Variants in RSRC1 observed in about 807,000 individuals in gnomAD.
RSRC1 encodes serine/Arginine-related protein 53.
RSRC1 carries 39 observed loss-of-function variants against 49.1 expected under a neutral mutation model. The ratio of observed to expected loss-of-function variants is 0.79; its 90% CI spans 0.61 to 1.04. The LOEUF (loss-of-function observed/expected upper bound fraction) is 1.04, where lower values mean the gene tolerates loss of function less well. Among genes scored for constraint, RSRC1 ranks in the 50% least tolerant of loss-of-function variants. RSRC1 has a pLI of 0.00. For synonymous variants in RSRC1, 143 were observed against 130.8 expected (o/e 1.09, Z -0.63); for missense variants, 388 against 402.4 (o/e 0.96, Z 0.31).
At chr3:158,236,441 A>G (rs897417172) in intron 4 of RSRC1, among the ~76,000 whole-genome samples, 1 of 152,148 alleles carries the variant, frequency 6.6e-6, no homozygotes. Flanking sequence ...TCTCTTTTAA[A>G]AGTTTGTTTG....
At chr3:158,334,197 C>T (rs1247102451) in intron 5 of RSRC1, among the ~76,000 whole-genome samples, 5 of 152,000 alleles carry the variant, frequency 3.3e-5, no homozygotes, top group African/African-American at 1.2e-4. Context: ...TTTATTATGC[C>T]ACCACATACC....
intron 7 of RSRC1, among the ~76,000 whole-genome samples, chr3:158,502,060 C>T (rs1254455461): frequency 6.6e-6 from 1 of 152,030 alleles, no homozygotes; most frequent in Non-Finnish European, 1.5e-5. Flanking sequence ...GCAGTGGTGG[C>T]TAATGGCAAA....
intron 7 of RSRC1, among the ~76,000 whole-genome samples, chr3:158,487,739 C>G (rs1393122111): frequency 6.6e-6 from 1 of 151,826 alleles, no homozygotes; most frequent in South Asian, 2.1e-4. Flanking sequence ...CACCTGAGGT[C>G]AGGAGTTCAA....
chr3:158,396,136 C>T (rs879733167), intron 6 of RSRC1, among the ~76,000 whole-genome samples: 4 of 151,912 alleles, frequency 2.6e-5, no homozygotes, highest in South Asian at 2.1e-4. Context: ...CTAAACATTG[C>T]GAACACATGG....
At chr3:158,446,558 T>G (rs1191313132) in intron 6 of RSRC1, among the ~76,000 whole-genome samples, 1 of 152,048 alleles carries the variant, frequency 6.6e-6, no homozygotes, top group Non-Finnish European at 1.5e-5. Context: ...TTGAAATTTC[T>G]TATATATTGT....
chr3:158,538,511 G>C (rs1200948997), intron 8 of RSRC1, among the ~76,000 whole-genome samples: 1 of 151,734 alleles, frequency 6.6e-6, no homozygotes, highest in Non-Finnish European at 1.5e-5. Context: ...CCTAATATTT[G>C]TTTGTGAAGT....
At position 158,539,899 on chromosome 3, in the gene RSRC1, C is replaced by T. The variant is rs1314058913; in HGVS notation, c.759+2701C>T. ...GATTGCTTGGTTTATATGGTAGAAT[C>T]TTATCTCTGCTACCTGAAGAGGTGG... is the stretch of plus-strand genomic sequence containing the variant. On this transcript the variant is annotated intron_variant, in intron 8 of 9. Transcript: ENST00000611884. This position sits in a 1 kb window ranked among gnomAD's most constrained non-coding sequence, Gnocchi z 4.1. Among the ~76,000 whole-genome samples the T allele has an allele frequency of 6.6e-6, 1 of 152,132 alleles. No individual in the cohort carries two copies. Among genetic ancestry groups the T allele is most frequent in the African/African-American group, 2.4e-5 (1 of 41,426 alleles).
chr3:158,275,950 G>A, intron 4 of RSRC1: 1 of 746,236 alleles, frequency 1.3e-6, no homozygotes, highest in Non-Finnish European at 2.4e-6. Flanking sequence ...ACATTTCCCT[G>A]TGCTTGTGGA....
chr3:158,232,589 A>T (rs138817517), intron 4 of RSRC1, among the ~76,000 whole-genome samples: 52 of 152,258 alleles, frequency 3.4e-4, no homozygotes, highest in African/African-American at 1.2e-3. Context: ...AGTGCTCTAG[A>T]GATACGTAGA....
intron 3 of RSRC1, among the ~76,000 whole-genome samples, chr3:158,128,449 G>A (rs1715777191): frequency 6.6e-6 from 1 of 152,060 alleles, no homozygotes; most frequent in Admixed American, 6.6e-5. Context: ...AATGAGGGCT[G>A]GGATTTCCTA....
intron 5 of RSRC1, among the ~76,000 whole-genome samples, chr3:158,351,269 G>T (rs762756429): frequency 2.6e-5 from 4 of 152,172 alleles, no homozygotes; most frequent in Non-Finnish European, 5.9e-5. Flanking sequence ...AGGTCACTGA[G>T]AGGAAAAAGA....
chr3:158,418,601 A>ATAGC (rs1734875107), intron 6 of RSRC1, among the ~76,000 whole-genome samples: 1 of 151,920 alleles, frequency 6.6e-6, no homozygotes, highest in African/African-American at 2.4e-5. Flanking sequence ...TCGCTCCTAG[A>ATAGC]TAGCTAGCCC....
chr3:158,289,109 T>C (rs1488413861), intron 4 of RSRC1, among the ~76,000 whole-genome samples: 1 of 152,186 alleles, frequency 6.6e-6, no homozygotes, highest in African/African-American at 2.4e-5. Flanking sequence ...TTCAAGTCTG[T>C]TTCTGCTATA....
chr3:158,191,829 C>G (rs73874324), intron 3 of RSRC1, among the ~76,000 whole-genome samples: 11,635 of 152,004 alleles, frequency 0.077, 542 homozygotes, highest in South Asian at 0.13. Flanking sequence ...TTACTCTGAA[C>G]TTGTACTTTC....
At chr3:158,163,930 A>G (rs1559925325) in intron 3 of RSRC1, among the ~76,000 whole-genome samples, 1 of 152,180 alleles carries the variant, frequency 6.6e-6, no homozygotes, top group Non-Finnish European at 1.5e-5. Flanking sequence ...GCTATAAAAG[A>G]TATGAGATCT....
At chr3:158,239,849 TAAC>T (rs1440047401) in intron 4 of RSRC1, among the ~76,000 whole-genome samples, 2 of 152,240 alleles carry the variant, frequency 1.3e-5, no homozygotes, top group Non-Finnish European at 2.9e-5. Context: ...TTTATTTTCT[TAAC>T]AATAAAAGAA....
intron 6 of RSRC1, among the ~76,000 whole-genome samples, chr3:158,378,505 T>C (rs1732505435): frequency 6.6e-6 from 1 of 152,240 alleles, no homozygotes; most frequent in African/African-American, 2.4e-5. Context: ...TCTTTTGTTT[T>C]AGCAGGCAGT....
chr3:158,480,459 G>A (rs887181768), intron 7 of RSRC1, among the ~76,000 whole-genome samples: 3 of 151,874 alleles, frequency 2.0e-5, no homozygotes, highest in African/African-American at 7.2e-5. Flanking sequence ...CGTATTTGAA[G>A]GAAAACTTTT....
intron 6 of RSRC1, among the ~76,000 whole-genome samples, chr3:158,407,105 A>G (rs1025129608): frequency 1.3e-5 from 2 of 152,072 alleles, no homozygotes; most frequent in African/African-American, 2.4e-5. Context: ...TTTAGTACCT[A>G]TTTTTATCAC....
Sources: gnomAD v4.1 joint callset for allele counts (sites outside exome capture counted in the v4.1 genomes callset) on GRCh38, gnomAD v4.1.1 for gene constraint, Gnocchi (gnomAD v3.1) non-coding constraint, MANE v1.5 for transcripts, NCBI Gene and HGNC (gene_info 2026-07-23, HGNC 2026-07-21) for gene names.